ABCA1: variants seen among roughly 807,000 people sequenced by gnomAD.
ABCA1 encodes the protein ATP binding cassette subfamily A member 1.
ABCA1 carries 133 observed loss-of-function variants against 262.5 expected under a neutral mutation model. The observed-to-expected ratio is 0.51, with a 90% CI of 0.44 to 0.59. The LOEUF (loss-of-function observed/expected upper bound fraction) is 0.59, where lower values mean the gene tolerates loss of function less well. Ranked by LOEUF, ABCA1 falls within the 20% of genes least tolerant of loss-of-function variation. The probability of loss-of-function intolerance (pLI) is 0.00; values close to 1 mark genes in which losing one functional copy is unlikely to be tolerated. For synonymous variants in ABCA1, 1,022 were observed against 1,043.5 expected (o/e 0.98, Z 0.40); for missense variants, 2,452 against 2,777.5 (o/e 0.88, Z 2.63).
chr9:104,845,850 G>C (rs1834822043), intron 7 of ABCA1, among the ~76,000 whole-genome samples: 1 of 152,198 alleles, frequency 6.6e-6, no homozygotes, highest in East Asian at 1.9e-4. Context: ...TGTGGGCTGG[G>C]GGGATGTGTC....
intron 23 of ABCA1, among the ~76,000 whole-genome samples, chr9:104,818,358 C>A (rs1831964225): frequency 1.3e-5 from 2 of 152,066 alleles, no homozygotes; most frequent in South Asian, 4.1e-4. Flanking sequence ...TCATTTGTAG[C>A]CAAGGCTCTT....
At position 104,781,407 on chromosome 9, in the gene ABCA1, G is replaced by A; in HGVS notation, c.*2908C>T. Reference sequence around the variant, plus strand: ...TTTCTACAGTATTACATTATTACTAGTAGATAATAACAAGGGTACAAATTA... The same window carrying A: ...TTTCTACAGTATTACATTATTACTAATAGATAATAACAAGGGTACAAATTA... On this transcript the variant is annotated 3_prime_UTR_variant, in exon 50 of 50. Coordinates refer to ENST00000374736, the MANE Select transcript of ABCA1 (RefSeq NM_005502.4). 6.7e-6 allele frequency: 1 copy of A among 149,728 alleles called. No individual in the cohort carries two copies. The highest frequency in any genetic ancestry group is 3.4e-3 in the Middle Eastern group (1 of 292). 9.3% of individuals were successfully genotyped at this position (149,728 alleles called of 1,614,324 possible).
intron 5 of ABCA1, among the ~76,000 whole-genome samples, chr9:104,872,202 C>T (rs1837682664): frequency 6.6e-6 from 1 of 152,146 alleles, no homozygotes; most frequent in Admixed American, 6.5e-5. Flanking sequence ...TATTATTATT[C>T]CCATTTTTCA....
At position 104,901,249 on chromosome 9, in the gene ABCA1, A is replaced by C. The variant is rs188372741; in HGVS notation, c.66+2365T>G. 5.2e-3 allele frequency among the ~76,000 whole-genome samples: 798 copies of C among 152,312 alleles called. 8 individuals are homozygous for C. The highest frequency in any genetic ancestry group is 0.019 in the African/African-American group (774 of 41,566). ...AGGGAAGAAAAGTCACTGTGATGGG[A>C]CAGAATGAGGCTCGGCCCTAGTCCT... is the stretch of plus-strand genomic sequence containing the variant. On this transcript the variant is annotated intron_variant, in intron 2 of 49. Coordinates refer to ENST00000374736, the MANE Select transcript of ABCA1 (RefSeq NM_005502.4).
intron 2 of ABCA1, among the ~76,000 whole-genome samples, chr9:104,900,518 C>A (rs1482416563): frequency 6.6e-6 from 1 of 152,196 alleles, no homozygotes; most frequent in Non-Finnish European, 1.5e-5. Context: ...CAAGTGGCCC[C>A]AAAACCCTTA....
intron 46 of ABCA1, 185 bp downstream of exon 46, chr9:104,787,735 G>A (rs1829051594): frequency 1.4e-6 from 1 of 695,870 alleles, no homozygotes; most frequent in African/African-American, 2.0e-5. Context: ...AGCATCTGCA[G>A]GCATGGTACA....
intron 15 of ABCA1, 58 bp from the exon 16 acceptor site, chr9:104,827,227 T>C: frequency 7.0e-7 from 1 of 1,419,088 alleles, no homozygotes; most frequent in Non-Finnish European, 9.9e-7. Context: ...CACTCACTTG[T>C]ATGATCTACA....
At position 104,832,584 on chromosome 9, in the gene ABCA1, C is replaced by T. The variant is rs201989320; in HGVS notation, c.1499G>A (p.Arg500His). The T allele has an allele frequency of 4.3e-5, 70 of 1,614,036 alleles. No homozygotes were observed. Among genetic ancestry groups the T allele is most frequent in the Non-Finnish European group, 5.3e-5 (63 of 1,180,022 alleles). Residue 500 changes from arginine to histidine, a missense_variant, in exon 12 of 50, where the codon CGC becomes CAC. Physicochemically the swap from Arg to His is conservative, Grantham distance 29. Coordinates refer to ENST00000374736, the MANE Select transcript of ABCA1 (RefSeq NM_005502.4). Reference sequence around the variant, plus strand: ...CAGCAACAGATTCACCTCCATGAAGCGAGATATGGTCCGGATTGCCTGGTT... The same window carrying T: ...CAGCAACAGATTCACCTCCATGAAGTGAGATATGGTCCGGATTGCCTGGTT... ...ETNQAIRTIS[R>H]FMECVNLNKL...
intron 3 of ABCA1, 120 bp from the exon 4 acceptor site, chr9:104,884,688 GA>G: frequency 8.4e-7 from 1 of 1,191,070 alleles, no homozygotes; most frequent in East Asian, 2.4e-5. Flanking sequence ...CCACATCCCA[GA>G]GACCTGTCTC....
chr9:104,814,009 T>C, intron 27 of ABCA1, 109 bp downstream of exon 27: 3 of 1,113,658 alleles, frequency 2.7e-6, no homozygotes, highest in Non-Finnish European at 2.7e-6. Context: ...TTGGACTCTG[T>C]AGGGATCTAT....
chr9:104,784,584 T>A, intron 49 of ABCA1, 129 bp from the exon 50 acceptor site: 2 of 1,101,278 alleles, frequency 1.8e-6, no homozygotes, highest in Non-Finnish European at 2.7e-6. Flanking sequence ...ATGGATTAAC[T>A]AGAAAACTGT....
chr9:104,885,151 G>A (rs1331252560), intron 3 of ABCA1, among the ~76,000 whole-genome samples: 6 of 152,276 alleles, frequency 3.9e-5, no homozygotes, highest in African/African-American at 7.2e-5. Context: ...CAGGAGAATC[G>A]CTTGAACTCA....
At chr9:104,897,951 C>T (rs1206497875) in intron 2 of ABCA1, among the ~76,000 whole-genome samples, 8 of 152,146 alleles carry the variant, frequency 5.3e-5, no homozygotes, top group Non-Finnish European at 1.0e-4. Flanking sequence ...GAAATTGCAA[C>T]GCATACACCT....
intron 5 of ABCA1, among the ~76,000 whole-genome samples, chr9:104,873,302 T>C (rs1329861725): frequency 1.3e-5 from 2 of 152,338 alleles, no homozygotes; most frequent in Middle Eastern, 3.4e-3. Context: ...ACAGAAAATA[T>C]AGTCTGAGGC....
Position 104,840,304 on chromosome 9 carries a change from A to C in ABCA1, c.1029T>G (p.Ala343=). The C allele has an allele frequency of 6.2e-7, 1 of 1,614,240 alleles. No individual in the cohort carries two copies. Among genetic ancestry groups the C allele is most frequent in the Non-Finnish European group, 8.5e-7 (1 of 1,180,046 alleles). Reference sequence around the variant, plus strand: ...TTGTAGAGTTGTCATAGAAGGTTTCAGCATCTTCCTCAGTGCCATTGCCTC... The same window carrying C: ...TTGTAGAGTTGTCATAGAAGGTTTCCGCATCTTCCTCAGTGCCATTGCCTC... ...LFGGNGTEED[A]ETFYDNSTTP... is the part of the protein sequence containing the mutation. The change falls in exon 9 of 50, where the codon GCT becomes GCG. Residue 343 remains alanine, a synonymous_variant. Coordinates refer to ENST00000374736, the MANE Select transcript of ABCA1 (RefSeq NM_005502.4).
intron 7 of ABCA1, among the ~76,000 whole-genome samples, chr9:104,853,835 T>C (rs1013229243): frequency 3.9e-5 from 6 of 152,174 alleles, no homozygotes; most frequent in African/African-American, 1.4e-4. Flanking sequence ...TTCAAATATA[T>C]GATAAACTAT....
intron 1 of ABCA1, among the ~76,000 whole-genome samples, chr9:104,916,500 A>T (rs915928008): frequency 1.3e-5 from 2 of 152,222 alleles, no homozygotes; most frequent in African/African-American, 4.8e-5. Flanking sequence ...ATCTACAGAC[A>T]CAATTTCTTC....
intron 1 of ABCA1, among the ~76,000 whole-genome samples, chr9:104,908,726 C>CCTTTT (rs1841321398): frequency 6.6e-6 from 1 of 152,214 alleles, no homozygotes; most frequent in African/African-American, 2.4e-5. Context: ...GCTACTGTTA[C>CCTTTT]ATGCGACAAC....
chr9:104,800,490 GAACAAA>G lies in ABCA1; in HGVS notation c.4773+14_4773+19del. 6.2e-7 allele frequency: 1 copy of G among 1,606,756 alleles called. No homozygotes were observed. Among genetic ancestry groups the G allele is most frequent in the Middle Eastern group, 1.7e-4 (1 of 6,052 alleles). ...ATTATTGTTCATCAAAAAGCTACTA[GAACAAA>G]GACAGCGGTTTACCTTGACATTATT... On this transcript the variant is annotated intron_variant, in intron 35 of 49. Coordinates refer to ENST00000374736, the MANE Select transcript of ABCA1 (RefSeq NM_005502.4).
Sources: gnomAD v4.1 joint callset for allele counts (sites outside exome capture counted in the v4.1 genomes callset) on GRCh38, gnomAD v4.1.1 for gene constraint, MANE v1.5 for transcripts, NCBI Gene and HGNC (gene_info 2026-07-23, HGNC 2026-07-21) for gene names.